Variants in HEXB observed in about 807,000 individuals in gnomAD.
HEXB encodes the protein hexosaminidase subunit beta.
HEXB carries 51 observed loss-of-function variants against 71.2 expected under a neutral mutation model. The ratio of observed to expected loss-of-function variants is 0.72; its 90% CI spans 0.57 to 0.90. HEXB has a LOEUF of 0.90. Among genes scored for constraint, HEXB ranks in the 40% least tolerant of loss-of-function variants. The pLI is 0.00. For missense variants in HEXB, 617 were observed against 677.0 expected (o/e 0.91, Z 0.98); for synonymous variants, 266 against 249.3 (o/e 1.07, Z -0.63).
intron 1 of HEXB, among the ~76,000 whole-genome samples, chr5:74,646,458 G>T (rs1463369875): frequency 2.0e-5 from 3 of 152,042 alleles, no homozygotes; most frequent in Non-Finnish European, 4.4e-5. Context: ...TGCAACAAAA[G>T]CTCAGATTCA....
intron 5 of HEXB, among the ~76,000 whole-genome samples, chr5:74,697,691 G>A (rs746823948): frequency 1.6e-4 from 21 of 133,820 alleles, no homozygotes; most frequent in Non-Finnish European, 2.9e-4. Flanking sequence ...TCGCACCACC[G>A]CACTCCAGCC....
chr5:74,713,466 A>G (rs1749598547), intron 6 of HEXB, 40 bp from the exon 7 acceptor site: 4 of 1,598,550 alleles, frequency 2.5e-6, no homozygotes, highest in Non-Finnish European at 3.4e-6. Flanking sequence ...GATCAAATCT[A>G]CGTTGTACAT....
At chr5:74,667,758 C>T (rs933350672) in intron 1 of HEXB, among the ~76,000 whole-genome samples, 1 of 152,192 alleles carries the variant, frequency 6.6e-6, no homozygotes, top group African/African-American at 2.4e-5. Context: ...CAATCATTCC[C>T]TAACCCCGTG....
intron 1 of HEXB, among the ~76,000 whole-genome samples, chr5:74,676,186 T>G (rs1398802824): frequency 1.3e-5 from 2 of 152,232 alleles, no homozygotes; most frequent in African/African-American, 4.8e-5. Context: ...AAAATTATTT[T>G]TGTTATTATT....
chr5:74,703,042 T>G (rs997460551), intron 5 of HEXB, among the ~76,000 whole-genome samples: 4 of 152,212 alleles, frequency 2.6e-5, no homozygotes, highest in Non-Finnish European at 5.9e-5. Flanking sequence ...AACCTCTGCC[T>G]CCCAGGTTCA....
Position 74,641,664 on chromosome 5 carries a change from C to A in HEXB, c.-377+1106C>A, listed in dbSNP as rs955704642. On this transcript the variant is annotated intron_variant, in intron 1 of 13. Coordinates refer to the HEXB transcript ENST00000511181. This position sits in a 1 kb window ranked among gnomAD's most constrained non-coding sequence, Gnocchi z 4.1. ...CCAGCACACACACACGTTTAATAGT[C>A]CCGCGTGTCAGGAGAAGGGAAGGCG... Among the ~76,000 whole-genome samples, 1 of 152,220 alleles carries A rather than the reference C, an allele frequency of 6.6e-6. No individual in the cohort carries two copies. Among genetic ancestry groups the A allele is most frequent in the Non-Finnish European group, 1.5e-5 (1 of 68,036 alleles).
intron 5 of HEXB, among the ~76,000 whole-genome samples, chr5:74,702,047 A>T (rs1378689764): frequency 6.8e-6 from 1 of 146,702 alleles, no homozygotes; most frequent in Non-Finnish European, 1.5e-5. Flanking sequence ...ATTAATCTGC[A>T]ACTGACTATC....
chr5:74,718,711 T>C (rs1749735143), intron 10 of HEXB, 86 bp from the exon 11 acceptor site: 2 of 1,307,998 alleles, frequency 1.5e-6, no homozygotes, highest in East Asian at 4.6e-5. Flanking sequence ...TAGAAAATTA[T>C]GTTCCTAGTA....
intron 5 of HEXB, among the ~76,000 whole-genome samples, chr5:74,697,594 C>T (rs62368222): frequency 0.01 from 1,535 of 152,014 alleles, 18 homozygotes; most frequent in Non-Finnish European, 0.015. Flanking sequence ...GGCGTGGTAG[C>T]GTGCGCCTGT....
At chr5:74,664,498 AAAAAAGAATAAAT>A (rs1748399284) in intron 1 of HEXB, among the ~76,000 whole-genome samples, 1 of 151,356 alleles carries the variant, frequency 6.6e-6, no homozygotes, top group Admixed American at 6.6e-5. Context: ...TTAACCATTT[AAAAAAGAATAAAT>A]TACATTCTCC....
intron 1 of HEXB, among the ~76,000 whole-genome samples, chr5:74,686,145 G>T (rs1232773650): frequency 1.3e-5 from 2 of 152,132 alleles, no homozygotes; most frequent in African/African-American, 4.8e-5. Flanking sequence ...CAGTGGTTAG[G>T]CAGTATCCAA....
chr5:74,715,178 A>G (rs1171267405), intron 7 of HEXB, among the ~76,000 whole-genome samples: 1 of 152,230 alleles, frequency 6.6e-6, no homozygotes, highest in East Asian at 1.9e-4. Context: ...TTGTATTTGA[A>G]GTACAGCTAG....
chr5:74,721,015 CTAATT>C (rs1406810170), intron 13 of HEXB, 98 bp from the exon 14 acceptor site: 20 of 1,034,744 alleles, frequency 1.9e-5, no homozygotes, highest in African/African-American at 6.4e-5. Context: ...TTTAGTGATT[CTAATT>C]TAAGTTTCTA....
chr5:74,649,527 A>G (rs940902448), intron 1 of HEXB, among the ~76,000 whole-genome samples: 8 of 152,174 alleles, frequency 5.3e-5, no homozygotes, highest in African/African-American at 2.4e-5. Context: ...ACTGAACTAC[A>G]TTGCCTCCTC....
At chr5:74,675,448 AT>A (rs1307603799) in intron 1 of HEXB, among the ~76,000 whole-genome samples, 1 of 152,188 alleles carries the variant, frequency 6.6e-6, no homozygotes, top group Non-Finnish European at 1.5e-5. Context: ...CAGTTGATAC[AT>A]AAAAAAGTGC....
At chr5:74,721,056 T>TATCTTTATGAATGATATCA (rs1472739643) in intron 13 of HEXB, 62 bp from the exon 14 acceptor site, 2 of 1,280,222 alleles carry the variant, frequency 1.6e-6, no homozygotes, top group Non-Finnish European at 2.2e-6. Flanking sequence ...CAATCTAAAA[T>TATCTTTATGAATGATATCA]ATCTTTATGA....
intron 3 of HEXB, 77 bp from the exon 4 acceptor site, chr5:74,696,616 T>C: frequency 1.3e-6 from 1 of 790,896 alleles, no homozygotes; most frequent in South Asian, 1.4e-5. Flanking sequence ...TGGTTATGAG[T>C]CTGTTTGAAT....
At chr5:74,649,184 T>G (rs1251386828) in intron 1 of HEXB, among the ~76,000 whole-genome samples, 3 of 152,168 alleles carry the variant, frequency 2.0e-5, no homozygotes, top group Admixed American at 6.5e-5. Context: ...CCTGCAACAA[T>G]GCCGTGAGCT....
intron 1 of HEXB, among the ~76,000 whole-genome samples, chr5:74,658,962 G>A (rs1422574801): frequency 6.6e-6 from 1 of 152,058 alleles, no homozygotes. Flanking sequence ...CTAACTGTGG[G>A]TATATCCCCA....
Sources: gnomAD v4.1 joint callset for allele counts (sites outside exome capture counted in the v4.1 genomes callset) on GRCh38, gnomAD v4.1.1 for gene constraint, Gnocchi (gnomAD v3.1) non-coding constraint, MANE v1.5 for transcripts, NCBI Gene and HGNC (gene_info 2026-07-23, HGNC 2026-07-21) for gene names.